PDE4D: variants seen among roughly 807,000 people sequenced by gnomAD.
PDE4D encodes 3',5'-cyclic-AMP phosphodiesterase 4D.
In PDE4D, 24 loss-of-function variants were observed where a neutral mutation model predicts 87.4. The observed-to-expected ratio is 0.27, with a 90% confidence interval of 0.20 to 0.39. The LOEUF (loss-of-function observed/expected upper bound fraction) is 0.39, where lower values mean the gene tolerates loss of function less well. PDE4D is among the 10% of genes least tolerant of loss of function. The probability of loss-of-function intolerance (pLI) is 1.00; values close to 1 mark genes in which losing one functional copy is unlikely to be tolerated. For missense variants in PDE4D, 714 were observed against 1,041.0 expected (o/e 0.69, Z 4.32); for synonymous variants, 384 against 383.2 (o/e 1.00, Z -0.02).
intron 1 of PDE4D, among the ~76,000 whole-genome samples, chr5:59,245,373 T>C (rs11747413): frequency 1.3e-5 from 2 of 152,054 alleles, no homozygotes; most frequent in East Asian, 3.9e-4. Flanking sequence ...AAATAAGCAA[T>C]ATCATATAAG....
chr5:59,206,434 G>A (rs1368305389), intron 2 of PDE4D, among the ~76,000 whole-genome samples: 1 of 152,192 alleles, frequency 6.6e-6, no homozygotes, highest in Non-Finnish European at 1.5e-5. Context: ...TGTTCCAGCA[G>A]TGTGACTGTT....
chr5:59,890,272 CACACA>C (rs1750768365), intron 1 of PDE4D, among the ~76,000 whole-genome samples: 1 of 144,132 alleles, frequency 6.9e-6, no homozygotes, highest in Non-Finnish European at 1.5e-5. Flanking sequence ...CACACACACA[CACACA>C]CACACACACA....
chr5:59,437,967 G>T (rs1418109939), intron 1 of PDE4D, among the ~76,000 whole-genome samples: 1 of 152,152 alleles, frequency 6.6e-6, no homozygotes, highest in Non-Finnish European at 1.5e-5. Context: ...AGGGTGGCAG[G>T]AGAGAGAATG....
chr5:59,094,630 A>G (rs1769358470), intron 5 of PDE4D, among the ~76,000 whole-genome samples: 1 of 152,186 alleles, frequency 6.6e-6, no homozygotes. Context: ...GGTCACAAAA[A>G]TTTCTACACA....
At chr5:60,184,100 G>A (rs1455544417) in intron 2 of PDE4D, among the ~76,000 whole-genome samples, 2 of 152,078 alleles carry the variant, frequency 1.3e-5, no homozygotes, top group Non-Finnish European at 2.9e-5. Flanking sequence ...AATACAAATA[G>A]GAAGTCTCCT....
At chr5:59,232,306 C>A (rs1755388212) in intron 1 of PDE4D, among the ~76,000 whole-genome samples, 1 of 151,996 alleles carries the variant, frequency 6.6e-6, no homozygotes, top group Non-Finnish European at 1.5e-5. Flanking sequence ...ATGCCAAGAA[C>A]TCAAGTTAAC....
At chr5:60,497,221 C>T (rs1749853564) in intron 1 of PDE4D, among the ~76,000 whole-genome samples, 1 of 152,118 alleles carries the variant, frequency 6.6e-6, no homozygotes, top group Non-Finnish European at 1.5e-5. Context: ...TGAGCACATC[C>T]ATTTCATCAA....
chr5:60,380,881 T>C (rs1244034315), intron 1 of PDE4D, among the ~76,000 whole-genome samples: 1 of 152,186 alleles, frequency 6.6e-6, no homozygotes, highest in African/African-American at 2.4e-5. Flanking sequence ...CTCAAACACA[T>C]ATCTAACACC....
intron 2 of PDE4D, among the ~76,000 whole-genome samples, chr5:59,990,709 T>C (rs955487919): frequency 3.9e-5 from 6 of 152,226 alleles, no homozygotes; most frequent in African/African-American, 1.4e-4. Flanking sequence ...TACTGTCTCA[T>C]TTAATTTTTA....
At chr5:60,287,737 C>T (rs1049776667) in intron 1 of PDE4D, among the ~76,000 whole-genome samples, 2 of 152,174 alleles carry the variant, frequency 1.3e-5, no homozygotes, top group African/African-American at 4.8e-5. Context: ...TCTCTGGACT[C>T]TTTAGTTTAT....
At chr5:59,765,632 T>C (rs1215349994) in intron 1 of PDE4D, among the ~76,000 whole-genome samples, 1 of 152,186 alleles carries the variant, frequency 6.6e-6, no homozygotes, top group African/African-American at 2.4e-5. Context: ...TTTCATGGTC[T>C]TTCTCCTGAT....
At chr5:59,799,666 G>A (rs1561681545) in intron 1 of PDE4D, among the ~76,000 whole-genome samples, 1 of 152,146 alleles carries the variant, frequency 6.6e-6, no homozygotes, top group Non-Finnish European at 1.5e-5. Context: ...AATTAATTTT[G>A]TTTTGCTTTG....
intron 1 of PDE4D, among the ~76,000 whole-genome samples, chr5:59,839,219 C>G (rs1742603335): frequency 6.6e-6 from 1 of 151,564 alleles, no homozygotes; most frequent in African/African-American, 2.4e-5. Context: ...GAGTTCTCAG[C>G]TCTGATGTCT....
chr5:59,732,479 C>T (rs1266908510), intron 1 of PDE4D, among the ~76,000 whole-genome samples: 2 of 151,644 alleles, frequency 1.3e-5, no homozygotes, highest in East Asian at 3.9e-4. Flanking sequence ...AGAATTTCCT[C>T]CCTACCAAAG....
At chr5:59,836,038 T>A (rs570986170) in intron 1 of PDE4D, among the ~76,000 whole-genome samples, 1 of 151,934 alleles carries the variant, frequency 6.6e-6, no homozygotes, top group Non-Finnish European at 1.5e-5. Flanking sequence ...TAAAATAAAA[T>A]AAATAGGAGG....
At chr5:59,343,658 G>C (rs564257879) in intron 1 of PDE4D, among the ~76,000 whole-genome samples, 1 of 152,264 alleles carries the variant, frequency 6.6e-6, no homozygotes, top group South Asian at 2.1e-4. Context: ...CCTGGGCTTG[G>C]TGTTGATTTC....
At chr5:60,118,633 T>C (rs141684887) in intron 2 of PDE4D, among the ~76,000 whole-genome samples, 3,743 of 150,684 alleles carry the variant, frequency 0.025, 72 homozygotes, top group Non-Finnish European at 0.036. Flanking sequence ...AAATAAAACA[T>C]GTGGGCTCAA....
intron 1 of PDE4D, among the ~76,000 whole-genome samples, chr5:60,229,004 A>C (rs1256859551): frequency 1.3e-5 from 2 of 152,150 alleles, no homozygotes; most frequent in Non-Finnish European, 2.9e-5. Context: ...GCAATATATA[A>C]GGTAACGGCT....
At chr5:59,156,545 T>A (rs961819956) in intron 5 of PDE4D, among the ~76,000 whole-genome samples, 1 of 151,566 alleles carries the variant, frequency 6.6e-6, no homozygotes, top group Admixed American at 6.6e-5. Context: ...GCTCTTGTAG[T>A]CATCTCAGAC....
Sources: gnomAD v4.1 joint callset for allele counts (sites outside exome capture counted in the v4.1 genomes callset) on GRCh38, gnomAD v4.1.1 for gene constraint, MANE v1.5 for transcripts, NCBI Gene and HGNC (gene_info 2026-07-23, HGNC 2026-07-21) for gene names.